CASQ2: variants seen among roughly 807,000 people sequenced by gnomAD.
CASQ2 encodes calsequestrin-2.
CASQ2 carries 49 observed loss-of-function variants against 46.5 expected under a neutral mutation model. That is an observed-to-expected ratio of 1.05 (90% CI 0.84 to 1.34). The LOEUF is 1.34. Ranked by LOEUF, CASQ2 falls within the 40% of genes most tolerant of loss-of-function variation. The probability of loss-of-function intolerance (pLI) is 0.00; values close to 1 mark genes in which losing one functional copy is unlikely to be tolerated. For synonymous variants in CASQ2, 174 were observed against 168.5 expected (o/e 1.03, Z -0.25); for missense variants, 486 against 481.3 (o/e 1.01, Z -0.09).
intron 8 of CASQ2, among the ~76,000 whole-genome samples, chr1:115,706,885 C>G (rs1654379989): frequency 6.6e-6 from 1 of 152,120 alleles, no homozygotes. Flanking sequence ...CTAATGCATT[C>G]CAGGCAAAAC....
intron 7 of CASQ2, among the ~76,000 whole-genome samples, chr1:115,722,118 G>A (rs1647399552): frequency 6.6e-6 from 1 of 152,186 alleles, no homozygotes; most frequent in African/African-American, 2.4e-5. Context: ...CCTAGTTGGA[G>A]ACTTGAATGA....
intron 2 of CASQ2, among the ~76,000 whole-genome samples, chr1:115,744,373 A>G (rs1349011821): frequency 6.6e-6 from 1 of 152,176 alleles, no homozygotes; most frequent in Non-Finnish European, 1.5e-5. Context: ...CCTTAAATTT[A>G]AAAAGCACTG....
intron 2 of CASQ2, among the ~76,000 whole-genome samples, chr1:115,743,197 GTTTATTTATTTATTTA>G (rs61424506): frequency 2.7e-5 from 1 of 36,378 alleles, no homozygotes; most frequent in African/African-American, 3.8e-5. Context: ...CTTTATTTTT[GTTTATTTATTTATTTA>G]TTTATTTATT....
intron 3 of CASQ2, among the ~76,000 whole-genome samples, 171 bp downstream of exon 3, chr1:115,740,557 A>G (rs1358961313): frequency 2.0e-5 from 3 of 152,200 alleles, no homozygotes; most frequent in Admixed American, 1.3e-4. Flanking sequence ...TCACTTTCCC[A>G]GTAGAGTAGA....
At chr1:115,725,294 C>T (rs1020196744) in intron 7 of CASQ2, among the ~76,000 whole-genome samples, 5 of 152,096 alleles carry the variant, frequency 3.3e-5, no homozygotes, top group Admixed American at 3.3e-4. Context: ...TCTCAGACAC[C>T]TGAACTCAAG....
intron 9 of CASQ2, among the ~76,000 whole-genome samples, chr1:115,704,501 G>C (rs549854010): frequency 5.4e-4 from 82 of 152,266 alleles, no homozygotes; most frequent in African/African-American, 1.9e-3. Flanking sequence ...TCTAGTTCCA[G>C]GCATACAGTA....
chr1:115,754,304 G>C (rs1024954637), intron 1 of CASQ2, among the ~76,000 whole-genome samples: 1 of 152,240 alleles, frequency 6.6e-6, no homozygotes, highest in Non-Finnish European at 1.5e-5. Flanking sequence ...AAGAGCCTTC[G>C]GGGAGAGAGA....
intron 1 of CASQ2, among the ~76,000 whole-genome samples, chr1:115,766,919 A>ATAGATAGAT (rs1553197776): frequency 2.7e-5 from 4 of 149,428 alleles, no homozygotes; most frequent in African/African-American, 9.9e-5. Flanking sequence ...AGATAGATAG[A>ATAGATAGAT]AGGATGATAG....
chr1:115,739,734 A>T (rs1160352637), intron 3 of CASQ2, among the ~76,000 whole-genome samples: 1 of 152,236 alleles, frequency 6.6e-6, no homozygotes, highest in Non-Finnish European at 1.5e-5. Context: ...TTACAGAGAA[A>T]AATGGAGGCA....
intron 8 of CASQ2, among the ~76,000 whole-genome samples, chr1:115,713,856 C>G: frequency 6.6e-6 from 1 of 152,158 alleles, no homozygotes; most frequent in Non-Finnish European, 1.5e-5. Flanking sequence ...CTTGGGAAAT[C>G]TAAGCTCGAT....
chr1:115,751,136 C>T (rs1400781163), intron 1 of CASQ2, among the ~76,000 whole-genome samples: 1 of 152,218 alleles, frequency 6.6e-6, no homozygotes, highest in African/African-American at 2.4e-5. Context: ...ATGTAAAGTG[C>T]TTGGCACAGT....
intron 1 of CASQ2, among the ~76,000 whole-genome samples, chr1:115,753,340 G>A (rs974807333): frequency 6.6e-6 from 1 of 152,134 alleles, no homozygotes; most frequent in East Asian, 1.9e-4. Context: ...GGAGAAGTGC[G>A]GGGAGAGAAA....
At chr1:115,722,144 T>A (rs1647400310) in intron 7 of CASQ2, among the ~76,000 whole-genome samples, 1 of 152,180 alleles carries the variant, frequency 6.6e-6, no homozygotes, top group Non-Finnish European at 1.5e-5. Flanking sequence ...TGACTAGGTC[T>A]GGTTAGGGTT....
intron 8 of CASQ2, among the ~76,000 whole-genome samples, chr1:115,712,212 CGTGAGAGTCAGACATCCGCGTA>C (rs1654570332): frequency 6.6e-6 from 1 of 152,300 alleles, no homozygotes; most frequent in South Asian, 2.1e-4. Context: ...AGAAGTCACC[CGTGAGAGTCAGACATCCGCGTA>C]GGACAGGGGA....
At chr1:115,726,809 G>A (rs903750182) in intron 6 of CASQ2, among the ~76,000 whole-genome samples, 183 bp downstream of exon 6, 2 of 152,204 alleles carry the variant, frequency 1.3e-5, no homozygotes, top group Admixed American at 6.5e-5. Context: ...TGCAGACTTA[G>A]ATTCAGAAGT....
chr1:115,731,894 T>G (rs1160769953), intron 5 of CASQ2, among the ~76,000 whole-genome samples: 2 of 152,106 alleles, frequency 1.3e-5, no homozygotes, highest in African/African-American at 4.8e-5. Context: ...CACATAAAAA[T>G]TTTTTTGAAT....
intron 1 of CASQ2, among the ~76,000 whole-genome samples, chr1:115,766,612 TC>T (rs549047918): frequency 1.4e-4 from 22 of 152,318 alleles, no homozygotes; most frequent in Non-Finnish European, 2.8e-4. Flanking sequence ...AGAACTTAAA[TC>T]CAGATATCCT....
At chr1:115,714,325 C>A (rs1482125376) in intron 8 of CASQ2, among the ~76,000 whole-genome samples, 2 of 152,110 alleles carry the variant, frequency 1.3e-5, no homozygotes, top group Non-Finnish European at 2.9e-5. Flanking sequence ...TGAATCTTGG[C>A]TTAGGTATAG....
chr1:115,716,951 G>GT (rs1363643656), intron 8 of CASQ2, among the ~76,000 whole-genome samples: 4 of 152,202 alleles, frequency 2.6e-5, no homozygotes, highest in Non-Finnish European at 5.9e-5. Flanking sequence ...GTGGGGCCTG[G>GT]TGGGAGATGA....
Sources: allele counts gnomAD v4.1 joint callset (sites outside exome capture counted in the v4.1 genomes callset), GRCh38; gene constraint gnomAD v4.1.1; transcripts MANE v1.5; gene names NCBI Gene and HGNC (gene_info 2026-07-23, HGNC 2026-07-21).